The following ATP10D variants were observed in gnomAD, a reference collection of about 807,000 sequenced individuals.
ATP10D encodes phospholipid-transporting ATPase VD.
ATP10D carries 89 observed loss-of-function variants against 144.8 expected under a neutral mutation model. The ratio of observed to expected loss-of-function variants is 0.61; its 90% CI spans 0.52 to 0.73. ATP10D has a LOEUF of 0.73. ATP10D is among the 30% of genes least tolerant of loss of function. The probability of loss-of-function intolerance (pLI) is 0.00; values close to 1 mark genes in which losing one functional copy is unlikely to be tolerated. For missense variants in ATP10D, 1,603 were observed against 1,714.8 expected, an observed-to-expected ratio of 0.93 and a Z score of 1.15; for synonymous variants, 571 against 615.1, an observed-to-expected ratio of 0.93 and a Z score of 1.06.
Position 47,558,120 on chromosome 4 carries a change from C to A in ATP10D, c.2281C>A (p.Pro761Thr), listed in dbSNP as rs1351263870. The stretch of plus-strand genomic sequence containing the variant: ...CATGGTGGACTTTGCTGCTTTGGGA[C>A]CATTAACATTTCAACTCCTACACAT... ...QVMVDFAALG[P>T]LTFQLLHILP... The change falls in exon 12 of 23, where the codon CCA becomes ACA. Residue 761 changes from proline (P) to threonine (T), a missense_variant. Pro to Thr is a conservative substitution (Grantham distance 38). Coordinates refer to ENST00000273859, the MANE Select transcript of ATP10D (RefSeq NM_020453.4). 1.9e-6 allele frequency: 3 copies of A among 1,614,060 alleles called. No homozygotes were observed. Among genetic ancestry groups the A allele is most frequent in the Non-Finnish European group, 1.7e-6 (2 of 1,180,038 alleles).
chr4:47,498,999 C>T (rs1210088680), intron 1 of ATP10D, among the ~76,000 whole-genome samples: 1 of 152,128 alleles, frequency 6.6e-6, no homozygotes, highest in Admixed American at 6.5e-5. Flanking sequence ...TATATTTTGG[C>T]TCTGGTTTTT....
chr4:47,518,733 C>T (rs554169020), intron 3 of ATP10D, among the ~76,000 whole-genome samples: 38 of 152,210 alleles, frequency 2.5e-4, no homozygotes, highest in African/African-American at 8.2e-4. Flanking sequence ...ACACACTTTA[C>T]GAAACAAAAA....
Position 47,536,512 on chromosome 4 carries a change from C to T in ATP10D, c.1091C>T (p.Ser364Leu), listed in dbSNP as rs1277082849. The T allele has an allele frequency of 6.2e-7, 1 of 1,613,592 alleles. No individual in the cohort carries two copies. Among genetic ancestry groups the T allele is most frequent in the South Asian group, 1.1e-5 (1 of 91,046 alleles). The change falls in exon 8 of 23, where the codon TCA (serine) becomes TTA (leucine). Residue 364 changes from serine (S) to leucine (L), a missense_variant. Physicochemically the swap from Ser to Leu is moderately radical, Grantham distance 145. Coordinates refer to ENST00000273859, the MANE Select transcript of ATP10D (RefSeq NM_020453.4). The part of the protein sequence containing the change: ...NVPEPDGHII[S>L]PLLAGFYMFW... ...CCCGAGCCTGATGGACATATCATAT[C>T]ACCACTGTTGGCAGGATTTTATATG...
chr4:47,568,766 C>T lies in ATP10D; in HGVS notation c.2854-71C>T, dbSNP rs558379161. 304 of 1,338,370 alleles carry T rather than the reference C, an allele frequency of 2.3e-4. No homozygotes were observed. In the African/African-American group the frequency reaches 4.0e-3, roughly 18 times the overall value. 82.9% of individuals were successfully genotyped at this position (1,338,370 alleles called of 1,614,324 possible). On this transcript the variant is annotated intron_variant, in intron 15 of 22. Transcript: ENST00000273859. ...TGATTCAGCAATTGCTAAAAAATGA[C>T]AATAAAAAATGTAACTGGTTCTGAC...
intron 1 of ATP10D, among the ~76,000 whole-genome samples, chr4:47,487,056 C>A (rs1714798702): frequency 6.6e-6 from 1 of 151,948 alleles, no homozygotes; most frequent in African/African-American, 2.4e-5. Context: ...CATGGCGAAA[C>A]CCGTCTCTAC....
chr4:47,560,358 C>CT, intron 13 of ATP10D: 1 of 152,158 alleles, frequency 6.6e-6, no homozygotes, highest in African/African-American at 2.4e-5. Context: ...GGGCCCTTCT[C>CT]TTTTTACCAT....
At chr4:47,546,894 C>T in intron 10 of ATP10D, 32 bp downstream of exon 10, 1 of 1,544,608 alleles carries the variant, frequency 6.5e-7, no homozygotes, top group Non-Finnish European at 8.9e-7. Context: ...GAGTCTTGCA[C>T]ATCCACAATG....
chr4:47,503,562 A>C (rs897206568), intron 1 of ATP10D, among the ~76,000 whole-genome samples: 14 of 152,242 alleles, frequency 9.2e-5, no homozygotes, highest in African/African-American at 3.1e-4. Context: ...GAACTTATAT[A>C]GCGCTTCCTC....
intron 1 of ATP10D, among the ~76,000 whole-genome samples, chr4:47,501,587 A>G (rs536260426): frequency 1.8e-4 from 28 of 152,234 alleles, no homozygotes; most frequent in African/African-American, 6.5e-4. Context: ...TTCAAGTGTT[A>G]CTGCCCTGTA....
chr4:47,558,073 G>C lies in ATP10D; in HGVS notation c.2234G>C (p.Arg745Pro). 6.2e-7 allele frequency: 1 copy of C among 1,614,190 alleles called. No individual in the cohort carries two copies. Among genetic ancestry groups the C allele is most frequent in the Non-Finnish European group, 8.5e-7 (1 of 1,180,032 alleles). The change falls in exon 12 of 23, where the codon CGG becomes CCG. Residue 745 changes from arginine (R) to proline (P), a missense_variant. Physicochemically the swap from Arg to Pro is moderately radical, Grantham distance 103 (BLOSUM62 -2). Coordinates refer to ENST00000273859, the MANE Select transcript of ATP10D (RefSeq NM_020453.4). ...YAARAYQCTL[R>P]SRTPEQVMVD... is the part of the protein sequence containing the mutation. ...GCCAGGGCTTACCAATGCACTTTACGGTCTCGGACACCAGAGCAGGTCATG... is the reference window on the plus strand; with the variant it reads ...GCCAGGGCTTACCAATGCACTTTACCGTCTCGGACACCAGAGCAGGTCATG...
At chr4:47,581,853 G>A in intron 20 of ATP10D, 107 bp from the exon 21 acceptor site, 1 of 822,660 alleles carries the variant, frequency 1.2e-6, no homozygotes, top group Non-Finnish European at 2.0e-6. Context: ...CAGTTCACAG[G>A]GACCTTGTAG....
chr4:47,584,380 T>G (rs867900318), intron 21 of ATP10D, among the ~76,000 whole-genome samples: 25 of 152,152 alleles, frequency 1.6e-4, no homozygotes, highest in Admixed American at 5.2e-4. Context: ...GTTGTTGTTT[T>G]TTGTTTGTTT....
chr4:47,520,880 A>G (rs1716912858), intron 3 of ATP10D, among the ~76,000 whole-genome samples: 1 of 151,982 alleles, frequency 6.6e-6, no homozygotes, highest in African/African-American at 2.4e-5. Context: ...GTAACTTCTA[A>G]TTACTCCCTG....
At chr4:47,502,687 T>C (rs551844945) in intron 1 of ATP10D, among the ~76,000 whole-genome samples, 90 of 148,584 alleles carry the variant, frequency 6.1e-4, no homozygotes, top group African/African-American at 2.1e-3. Flanking sequence ...ATATTAAATA[T>C]ACATATATGT....
At chr4:47,488,823 C>A (rs180956901) in intron 1 of ATP10D, among the ~76,000 whole-genome samples, 1 of 152,052 alleles carries the variant, frequency 6.6e-6, no homozygotes, top group Admixed American at 6.6e-5. Context: ...GAAAGGATTC[C>A]TCATGAATGG....
intron 1 of ATP10D, among the ~76,000 whole-genome samples, chr4:47,497,169 A>G (rs1364753006): frequency 6.6e-6 from 1 of 150,658 alleles, no homozygotes; most frequent in Non-Finnish European, 1.5e-5. Flanking sequence ...AAAATAGACC[A>G]TTGTAGCCGG....
chr4:47,529,263 A>G (rs1303879544), intron 5 of ATP10D, among the ~76,000 whole-genome samples: 1 of 152,190 alleles, frequency 6.6e-6, no homozygotes, highest in Non-Finnish European at 1.5e-5. Context: ...TAAGATTTTC[A>G]TAGTTTCAGG....
At chr4:47,535,300 A>C (rs4642227) in intron 5 of ATP10D, among the ~76,000 whole-genome samples, 90,767 of 149,732 alleles carry the variant, frequency 0.61, 28,509 homozygotes, top group East Asian at 0.84. Context: ...CACGTGTACC[A>C]CCTGAACCTA....
chr4:47,523,835 TG>T (rs1360531886), intron 4 of ATP10D, among the ~76,000 whole-genome samples: 1 of 152,240 alleles, frequency 6.6e-6, no homozygotes, highest in Admixed American at 6.5e-5. Flanking sequence ...AATTTCACTA[TG>T]TATGAAAACA....
Sources: allele counts gnomAD v4.1 joint callset (sites outside exome capture counted in the v4.1 genomes callset), GRCh38; gene constraint gnomAD v4.1.1; transcripts MANE v1.5; gene names NCBI Gene and HGNC (gene_info 2026-07-23, HGNC 2026-07-21).